NFAT5: variants seen among roughly 807,000 people sequenced by gnomAD.
NFAT5 encodes the protein nuclear factor of activated T-cells 5.
A neutral mutation model predicts 166.5 loss-of-function variants in NFAT5; 31 were observed. The ratio of observed to expected loss-of-function variants is 0.19; its 90% CI spans 0.14 to 0.25. The LOEUF (loss-of-function observed/expected upper bound fraction) is 0.25, where lower values mean the gene tolerates loss of function less well. NFAT5 is among the 10% of genes least tolerant of loss of function. The probability of loss-of-function intolerance (pLI) is 1.00; values close to 1 mark genes in which losing one functional copy is unlikely to be tolerated. For synonymous variants in NFAT5, 612 were observed against 639.7 expected (o/e 0.96, Z 0.65); for missense variants, 1,449 against 1,821.8 (o/e 0.80, Z 3.72).
In NFAT5 at chr16:69,608,807, T is replaced by G. The variant is rs1192661237; in HGVS notation, c.128-17596T>G. Among the ~76,000 whole-genome samples the G allele has an allele frequency of 2.0e-5, 3 of 150,530 alleles. No individual in the cohort carries two copies. In the East Asian group the frequency reaches 6.0e-4, roughly 30 times the overall value. On this transcript the variant is annotated intron_variant, in intron 2 of 14. Transcript: ENST00000349945. The stretch of plus-strand genomic sequence containing the variant: ...TTTTTTGTTATGTAAATATAATTGT[T>G]TTTTCCTCTAGGTTGAAGAATTTAG...
intron 2 of NFAT5, among the ~76,000 whole-genome samples, chr16:69,587,050 T>G (rs910505647): frequency 1.3e-5 from 2 of 152,120 alleles, no homozygotes; most frequent in African/African-American, 4.8e-5. Context: ...TGTTAGGTAG[T>G]TTAGTATTTG....
chr16:69,649,174 ATACT>A lies in NFAT5; in HGVS notation c.812+1591_812+1594del, dbSNP rs1009194345. 2.2e-5 allele frequency: 21 copies of A among 944,418 alleles called. No homozygotes were observed. In the South Asian group the frequency reaches 3.9e-4, roughly 18 times the overall value. The allele number at this position is 944,418 out of a possible 1,614,324, so 58.5% of individuals were successfully genotyped here. ...GAAATGTAATGAATACAGCAGGTAA[ATACT>A]TAAGTAACTGTGATAGTAACACAGA... On this transcript the variant is annotated intron_variant, in intron 4 of 14. Transcript: ENST00000349945.
At chr16:69,680,169 T>C (rs367782606) in intron 10 of NFAT5, among the ~76,000 whole-genome samples, 4 of 152,124 alleles carry the variant, frequency 2.6e-5, no homozygotes, top group Non-Finnish European at 5.9e-5. Flanking sequence ...TAGTAACTGA[T>C]AGTTACTAAA....
intron 2 of NFAT5, among the ~76,000 whole-genome samples, chr16:69,607,623 C>T (rs757317243): frequency 6.6e-6 from 1 of 152,126 alleles, no homozygotes; most frequent in Non-Finnish European, 1.5e-5. Flanking sequence ...TCTTACATAC[C>T]TCTTAAGCAT....
chr16:69,670,139 A>AT (rs2036565874), intron 8 of NFAT5, 28 bp downstream of exon 8: 4 of 1,602,844 alleles, frequency 2.5e-6, no homozygotes, highest in Non-Finnish European at 3.4e-6. Flanking sequence ...TGGTACAGAT[A>AT]TTTGTATGTT....
At chr16:69,611,012 A>G (rs528623358) in intron 2 of NFAT5, among the ~76,000 whole-genome samples, 1 of 152,334 alleles carries the variant, frequency 6.6e-6, no homozygotes, top group East Asian at 1.9e-4. Flanking sequence ...ATGCACACGA[A>G]ATGAACAAAT....
intron 11 of NFAT5, among the ~76,000 whole-genome samples, chr16:69,687,355 C>G (rs538719313): frequency 6.7e-6 from 1 of 148,998 alleles, no homozygotes; most frequent in African/African-American, 2.5e-5. Context: ...ACAGGAGAAT[C>G]GCTTGAATCC....
chr16:69,647,577 C>G lies in NFAT5; in HGVS notation c.803C>G (p.Ala268Gly). Reference sequence around the variant, plus strand: ...ACGGACAACAAAGGCAACTCAAAAGCGGGAAATGGGTTGGTATTCACATTT... The same window carrying G: ...ACGGACAACAAAGGCAACTCAAAAGGGGGAAATGGGTTGGTATTCACATTT... ...LTTDNKGNSK[A>G]GNGTLENQKG... The change falls in exon 4 of 15, where the codon GCG becomes GGG. Residue 268 changes from alanine to glycine, a missense_variant. Physicochemically the swap from Ala to Gly is moderately conservative, Grantham distance 60 (BLOSUM62 0). Around this residue, in one of 7 missense-constraint regions of NFAT5, gnomAD observed 115 missense variants for 177.1 expected, o/e 0.65. Coordinates refer to ENST00000349945, the MANE Select transcript of NFAT5 (RefSeq NM_138713.4). The surrounding 1 kb of genome is among the most constrained non-coding windows in gnomAD (Gnocchi z 4.8). The G allele has an allele frequency of 6.4e-7, 1 of 1,571,622 alleles. No homozygotes were observed. Among genetic ancestry groups the G allele is most frequent in the Non-Finnish European group, 8.6e-7 (1 of 1,160,766 alleles).
intron 2 of NFAT5, among the ~76,000 whole-genome samples, chr16:69,619,290 A>G (rs1479240865): frequency 2.0e-5 from 3 of 152,198 alleles, no homozygotes; most frequent in African/African-American, 7.2e-5. Context: ...TAAGCCTTGT[A>G]GCATCTCTGT....
intron 2 of NFAT5, among the ~76,000 whole-genome samples, chr16:69,604,361 G>A (rs558717034): frequency 6.6e-6 from 1 of 152,194 alleles, no homozygotes; most frequent in Non-Finnish European, 1.5e-5. Flanking sequence ...TGATCTCATT[G>A]AATTAGGTGG....
rs193048193 is a variant in NFAT5 at position 69,586,685 on chromosome 16, G to A, written c.127+18137G>A. On this transcript the variant is annotated intron_variant, in intron 2 of 14. Coordinates refer to ENST00000349945, the MANE Select transcript of NFAT5 (RefSeq NM_138713.4). The stretch of plus-strand genomic sequence containing the variant: ...CCCGAAGTGCTGAGATTACAGGCAT[G>A]AGCCACCATGCCCGGCCTCGACTGG... Among the ~76,000 whole-genome samples, 51 of 152,284 alleles carry A rather than the reference G, an allele frequency of 3.3e-4. No homozygotes were observed. In the East Asian group the frequency reaches 8.9e-3, roughly 27 times the overall value.
At chr16:69,627,424 A>G (rs910057884) in intron 3 of NFAT5, among the ~76,000 whole-genome samples, 3 of 148,984 alleles carry the variant, frequency 2.0e-5, no homozygotes, top group East Asian at 2.0e-4. Context: ...TTCTTGCCTA[A>G]TATGACACCT....
chr16:69,696,417 GAATT>G lies in NFAT5; in HGVS notation c.*68_*71del, dbSNP rs1567619745. Reference sequence around the variant, plus strand: ...GTCCTGAGATCTTGTGGTTCCATGAGAATTATTACTTTAAAAACAAAACAAAATA... The same window carrying G: ...GTCCTGAGATCTTGTGGTTCCATGAGATTACTTTAAAAACAAAACAAAATA... On this transcript the variant is annotated 3_prime_UTR_variant, in exon 15 of 15. Coordinates refer to ENST00000349945, the MANE Select transcript of NFAT5 (RefSeq NM_138713.4). 6.6e-6 allele frequency: 1 copy of G among 152,514 alleles called. No individual in the cohort carries two copies. Among genetic ancestry groups the G allele is most frequent in the Admixed American group, 6.6e-5 (1 of 15,264 alleles). The allele number at this position is 152,514 out of a possible 1,614,324, so 9.4% of individuals were successfully genotyped here.
At chr16:69,641,903 G>T (rs1487636903) in intron 3 of NFAT5, among the ~76,000 whole-genome samples, 1 of 151,896 alleles carries the variant, frequency 6.6e-6, no homozygotes, top group Non-Finnish European at 1.5e-5. Context: ...TTCAAAACCA[G>T]CCTGGGCAAC....
At chr16:69,580,057 C>T (rs1463931507) in intron 2 of NFAT5, among the ~76,000 whole-genome samples, 1 of 151,924 alleles carries the variant, frequency 6.6e-6, no homozygotes, top group East Asian at 1.9e-4. Context: ...AGCAAGAAAC[C>T]AGGATTTTAT....
chr16:69,678,240 A>T (rs1319109637), intron 10 of NFAT5, among the ~76,000 whole-genome samples: 1 of 151,062 alleles, frequency 6.6e-6, no homozygotes, highest in Non-Finnish European at 1.5e-5. Context: ...TGGGAGACGG[A>T]GTCTCGCTGT....
chr16:69,646,600 T>A, intron 3 of NFAT5: 2 of 1,142,452 alleles, frequency 1.8e-6, no homozygotes, highest in Non-Finnish European at 2.3e-6. Context: ...ATTTTAATAT[T>A]TTGTGGCTAA....
At chr16:69,588,249 C>T (rs1056300867) in intron 2 of NFAT5, among the ~76,000 whole-genome samples, 3 of 152,040 alleles carry the variant, frequency 2.0e-5, no homozygotes, top group Non-Finnish European at 4.4e-5. Flanking sequence ...TGCACCTGGC[C>T]GCATGATTAG....
At chr16:69,613,269 G>T (rs2033787525) in intron 2 of NFAT5, among the ~76,000 whole-genome samples, 1 of 152,068 alleles carries the variant, frequency 6.6e-6, no homozygotes, top group South Asian at 2.1e-4. Context: ...TCTTGCTTAG[G>T]CTATTATTGT....
Sources: allele counts gnomAD v4.1 joint callset (sites outside exome capture counted in the v4.1 genomes callset), GRCh38; gene constraint gnomAD v4.1.1; regional missense constraint gnomAD v4.1.1; non-coding constraint Gnocchi (gnomAD v3.1); transcripts MANE v1.5; gene names NCBI Gene and HGNC (gene_info 2026-07-23, HGNC 2026-07-21).